The following IPO11 variants were observed in gnomAD, a reference collection of about 807,000 sequenced individuals.
IPO11 encodes importin-11.
A neutral mutation model predicts 143.2 loss-of-function variants in IPO11; 66 were observed. The ratio of observed to expected loss-of-function variants is 0.46; its 90% CI spans 0.38 to 0.57. The LOEUF (loss-of-function observed/expected upper bound fraction) is 0.57, where lower values mean the gene tolerates loss of function less well. IPO11 is among the 20% of genes least tolerant of loss of function. The probability of loss-of-function intolerance (pLI) is 0.00; values close to 1 mark genes in which losing one functional copy is unlikely to be tolerated. For missense variants in IPO11, 1,026 were observed against 1,141.0 expected, an observed-to-expected ratio of 0.90 and a Z score of 1.45; for synonymous variants, 385 against 377.8, an observed-to-expected ratio of 1.02 and a Z score of -0.22.
chr5:62,503,420 T>G (rs528163441), intron 16 of IPO11, among the ~76,000 whole-genome samples: 23 of 148,344 alleles, frequency 1.6e-4, no homozygotes, highest in African/African-American at 5.7e-4. Flanking sequence ...TCTATTAATA[T>G]ATTAATAGTA....
At chr5:62,437,995 G>T (rs1278150637) in intron 2 of IPO11, among the ~76,000 whole-genome samples, 1 of 152,160 alleles carries the variant, frequency 6.6e-6, no homozygotes, top group Admixed American at 6.5e-5. Context: ...AATGAAAGAA[G>T]TCTTTTTGTG....
At position 62,550,534 on chromosome 5, in the gene IPO11, AC is replaced by A; in HGVS notation, c.2346+73del. On this transcript the variant is annotated intron_variant, in intron 25 of 29. Coordinates refer to ENST00000325324, the MANE Select transcript of IPO11 (RefSeq NM_016338.5). Reference sequence around the variant, plus strand: ...TCTAGTTTTAATTACTCTGTTAGATACAGAAGGAAAGCTTTTCTTGTCATTT... The same window carrying A: ...TCTAGTTTTAATTACTCTGTTAGATAAGAAGGAAAGCTTTTCTTGTCATTT... 6 of 982,306 alleles carry A rather than the reference AC, an allele frequency of 6.1e-6. 1 individual carries two copies. Among genetic ancestry groups the A allele is most frequent in the Non-Finnish European group, 9.1e-6 (6 of 660,894 alleles). 60.8% of individuals were successfully genotyped at this position (982,306 alleles called of 1,614,324 possible). A position where few individuals can be genotyped will look rare whatever the true frequency, so the allele number is the denominator to read the frequency against.
At chr5:62,559,893 G>A (rs1296465393) in intron 26 of IPO11, among the ~76,000 whole-genome samples, 1 of 125,162 alleles carries the variant, frequency 8.0e-6, no homozygotes, top group Non-Finnish European at 1.6e-5. Context: ...TTCAGCCTGG[G>A]CAACAAGACT....
intron 9 of IPO11, among the ~76,000 whole-genome samples, chr5:62,480,923 TTTTTTTTTTG>T (rs1746177289): frequency 9.2e-6 from 1 of 108,734 alleles, no homozygotes; most frequent in African/African-American, 3.8e-5. Context: ...TTTTTTTTTT[TTTTTTTTTTG>T]GAGACAGAGT....
chr5:62,497,138 G>A (rs1741184624), intron 16 of IPO11, among the ~76,000 whole-genome samples: 1 of 152,174 alleles, frequency 6.6e-6, no homozygotes, highest in East Asian at 1.9e-4. Flanking sequence ...CGTTGTCCAT[G>A]TGCTATTCTT....
chr5:62,523,913 A>T (rs1470819737), intron 20 of IPO11, among the ~76,000 whole-genome samples: 1 of 149,834 alleles, frequency 6.7e-6, no homozygotes, highest in Non-Finnish European at 1.5e-5. Flanking sequence ...ATTTTTTTTT[A>T]AACTTTTCTT....
At position 62,598,590 on chromosome 5, in the gene IPO11, C is replaced by A. The variant is rs568510422; in HGVS notation, c.2679-3174C>A. On this transcript the variant is annotated intron_variant, in intron 28 of 29. Transcript: ENST00000325324. ...TATGGAGTCTTGCCCTGTTGCCCAG[C>A]CTGGAGTGCAGTGGTGTGATCTCGG... is the stretch of plus-strand genomic sequence containing the variant. Among the ~76,000 whole-genome samples, 410 of 139,394 alleles carry A rather than the reference C, an allele frequency of 2.9e-3. 5 individuals carry two copies. The highest frequency in any genetic ancestry group is 4.8e-3 in the Non-Finnish European group (306 of 64,398). 91.4% of individuals were successfully genotyped at this position (139,394 alleles called of 152,430 possible).
chr5:62,484,351 TGCAAATATGTTGTAGAATTTTGTCCAG>T (rs1746319059), intron 11 of IPO11, among the ~76,000 whole-genome samples, 189 bp downstream of exon 11: 1 of 152,180 alleles, frequency 6.6e-6, no homozygotes, highest in Non-Finnish European at 1.5e-5. Context: ...GAATGACTTA[TGCAAATATGTTGTAGAATTTTGTCCAG>T]GAAAAGACCT....
chr5:62,451,848 A>G lies in IPO11; in HGVS notation c.431A>G (p.Gln144Arg), dbSNP rs750428984. Residue 144 changes from glutamine (Q) to arginine (R), a missense_variant, in exon 5 of 30, where the codon CAG becomes CGG. Physicochemically the swap from Gln to Arg is conservative, Grantham distance 43 (BLOSUM62 1). Around this residue, in one of 5 missense-constraint regions of IPO11, gnomAD observed 429 missense variants for 456.3 expected, o/e 0.94. Coordinates refer to ENST00000325324, the MANE Select transcript of IPO11 (RefSeq NM_016338.5). ...ESVKVQDDLRQHRALLTFYHV... is the reference protein window; with the variant it reads ...ESVKVQDDLRRHRALLTFYHV... ...GTTAAAGTCCAGGATGATCTTCGAC[A>G]GCACAGAGCATTACTTACCTTCTAT... The G allele has an allele frequency of 1.9e-6, 3 of 1,614,074 alleles. No homozygotes were observed. Among genetic ancestry groups the G allele is most frequent in the Admixed American group, 3.3e-5 (2 of 60,030 alleles).
chr5:62,542,620 A>T (rs1014417356), intron 24 of IPO11, among the ~76,000 whole-genome samples: 1 of 152,216 alleles, frequency 6.6e-6, no homozygotes, highest in Non-Finnish European at 1.5e-5. Context: ...TTTGAAGCAG[A>T]AAGTTACAAT....
chr5:62,553,471 A>G (rs1743463826), intron 26 of IPO11, among the ~76,000 whole-genome samples: 1 of 152,090 alleles, frequency 6.6e-6, no homozygotes, highest in Non-Finnish European at 1.5e-5. Flanking sequence ...TATCTTTTCA[A>G]TACAATGATT....
intron 9 of IPO11, among the ~76,000 whole-genome samples, chr5:62,481,518 CAT>C (rs200078444): frequency 0.026 from 3,950 of 152,182 alleles, 72 homozygotes; most frequent in Non-Finnish European, 0.04. Flanking sequence ...TTGAGATAAT[CAT>C]GTGGTTTTTA....
intron 24 of IPO11, among the ~76,000 whole-genome samples, chr5:62,548,055 A>G (rs1380056372): frequency 6.7e-6 from 1 of 149,324 alleles, no homozygotes; most frequent in Non-Finnish European, 1.5e-5. Flanking sequence ...TGAGTTGTTA[A>G]TTGTAGGCAG....
intron 19 of IPO11, among the ~76,000 whole-genome samples, chr5:62,508,741 C>T (rs1257992798): frequency 6.6e-5 from 10 of 151,956 alleles, no homozygotes; most frequent in Non-Finnish European, 1.5e-4. Context: ...TAATGCTATC[C>T]CTCCCCCAGC....
rs202091481 is a variant in IPO11 at position 62,570,256 on chromosome 5, C to CT, written c.2582+9007dup. Among the ~76,000 whole-genome samples the CT allele has an allele frequency of 4.4e-3, 667 of 152,046 alleles. 7 individuals are homozygous for CT. Among genetic ancestry groups the CT allele is most frequent in the African/African-American group, 0.015 (643 of 41,486 alleles). On this transcript the variant is annotated intron_variant, in intron 27 of 29. Transcript: ENST00000325324. ...TGAAGGGTTATAATCATTTATAAAA[C>CT]TTTTTTTTAAGCTTCTGAAAGTTCT... is the stretch of plus-strand genomic sequence containing the variant.
chr5:62,589,706 C>T (rs1213650630), intron 27 of IPO11, among the ~76,000 whole-genome samples: 1 of 152,018 alleles, frequency 6.6e-6, no homozygotes, highest in Non-Finnish European at 1.5e-5. Context: ...CTGAAGGGCC[C>T]CCTAGAGGAG....
At chr5:62,460,134 C>A (rs2112178576) in intron 5 of IPO11, among the ~76,000 whole-genome samples, 1 of 152,164 alleles carries the variant, frequency 6.6e-6, no homozygotes, top group African/African-American at 2.4e-5. Context: ...AAGTATTTAA[C>A]TTTTATCATC....
chr5:62,610,707 A>G (rs998024564), intron 29 of IPO11, among the ~76,000 whole-genome samples: 13 of 152,216 alleles, frequency 8.5e-5, no homozygotes, highest in South Asian at 2.1e-4. Context: ...CCTACCTGCT[A>G]CCATTGCACA....
chr5:62,588,003 T>C (rs1037413738), intron 27 of IPO11, among the ~76,000 whole-genome samples: 10 of 152,202 alleles, frequency 6.6e-5, no homozygotes, highest in African/African-American at 2.4e-4. Flanking sequence ...ACAATCACTA[T>C]GCAGGAGTCA....
Sources: allele counts gnomAD v4.1 joint callset (sites outside exome capture counted in the v4.1 genomes callset), GRCh38; gene constraint gnomAD v4.1.1; regional missense constraint gnomAD v4.1.1; transcripts MANE v1.5; gene names NCBI Gene and HGNC (gene_info 2026-07-23, HGNC 2026-07-21).